Variants in TRAPPC9 observed in about 807,000 individuals in gnomAD.
TRAPPC9 encodes the protein trafficking protein particle complex subunit 9.
A neutral mutation model predicts 124.0 loss-of-function variants in TRAPPC9; 83 were observed. The observed-to-expected ratio is 0.67, with a 90% CI of 0.56 to 0.80. The LOEUF (loss-of-function observed/expected upper bound fraction) is 0.80. Ranked by LOEUF, TRAPPC9 falls within the 30% of genes least tolerant of loss-of-function variation. TRAPPC9 has a pLI of 0.00. For synonymous variants in TRAPPC9, 638 were observed against 617.5 expected, an observed-to-expected ratio of 1.03 and a Z score of -0.49; for missense variants, 1,302 against 1,508.3, an observed-to-expected ratio of 0.86 and a Z score of 2.27.
intron 13 of TRAPPC9, among the ~76,000 whole-genome samples, chr8:140,284,972 G>GAC (rs1185835304): frequency 2.0e-5 from 3 of 152,336 alleles, no homozygotes; most frequent in South Asian, 4.1e-4. Flanking sequence ...AACCTGGTAT[G>GAC]ACATGGTTTT....
At chr8:140,317,115 T>C (rs979344853) in intron 9 of TRAPPC9, among the ~76,000 whole-genome samples, 1 of 152,184 alleles carries the variant, frequency 6.6e-6, no homozygotes, top group African/African-American at 2.4e-5. Flanking sequence ...ATTCTTTTTT[T>C]CATAATCTAG....
chr8:140,392,344 T>C (rs1352731097), intron 7 of TRAPPC9, among the ~76,000 whole-genome samples: 1 of 152,222 alleles, frequency 6.6e-6, no homozygotes, highest in African/African-American at 2.4e-5. Flanking sequence ...TATCCGATAA[T>C]GGAGAGGTTC....
intron 17 of TRAPPC9, among the ~76,000 whole-genome samples, chr8:140,198,821 T>C (rs2062721489): frequency 6.6e-6 from 1 of 152,206 alleles, no homozygotes; most frequent in African/African-American, 2.4e-5. Context: ...GCAGGAACCA[T>C]GTCTCTCCTC....
At chr8:140,438,809 C>G (rs1336749439) in intron 3 of TRAPPC9, among the ~76,000 whole-genome samples, 1 of 152,072 alleles carries the variant, frequency 6.6e-6, no homozygotes, top group African/African-American at 2.4e-5. Context: ...CTGCTGCCTC[C>G]GCCTCCCGAG....
chr8:140,116,349 C>T (rs895710236), intron 17 of TRAPPC9, among the ~76,000 whole-genome samples: 1 of 152,120 alleles, frequency 6.6e-6, no homozygotes, highest in African/African-American at 2.4e-5. Flanking sequence ...GCAGGAAATT[C>T]ATACCTAAAA....
intron 16 of TRAPPC9, among the ~76,000 whole-genome samples, chr8:140,225,492 TTC>T (rs996365729): frequency 6.6e-6 from 1 of 152,190 alleles, no homozygotes; most frequent in East Asian, 1.9e-4. Context: ...TGAGTTTATT[TTC>T]TCTCTTTTTT....
chr8:140,264,898 G>T (rs967797862), intron 15 of TRAPPC9, among the ~76,000 whole-genome samples: 1 of 152,182 alleles, frequency 6.6e-6, no homozygotes, highest in Non-Finnish European at 1.5e-5. Flanking sequence ...GACCACGTGA[G>T]AGAGGGACTG....
At chr8:139,755,251 C>A (rs1272145882) in intron 21 of TRAPPC9, among the ~76,000 whole-genome samples, 1 of 152,204 alleles carries the variant, frequency 6.6e-6, no homozygotes, top group Non-Finnish European at 1.5e-5. Flanking sequence ...TGTGGAGAAG[C>A]CAGCCAGGGT....
chr8:140,290,744 C>A (rs1161919427), intron 12 of TRAPPC9, among the ~76,000 whole-genome samples: 1 of 152,190 alleles, frequency 6.6e-6, no homozygotes, highest in Non-Finnish European at 1.5e-5. Context: ...TATACCCAAT[C>A]AACTAAGCTC....
intron 19 of TRAPPC9, among the ~76,000 whole-genome samples, chr8:139,919,603 T>C (rs1832381116): frequency 6.6e-6 from 1 of 152,222 alleles, no homozygotes; most frequent in African/African-American, 2.4e-5. Context: ...TGTGAAGGTA[T>C]AAAATGCAAG....
chr8:139,825,991 GC>G lies in TRAPPC9; in HGVS notation c.3055+59887del, dbSNP rs541080025. 3.0e-4 allele frequency among the ~76,000 whole-genome samples: 46 copies of G among 152,296 alleles called. No individual in the cohort carries two copies. Among genetic ancestry groups the G allele is most frequent in the African/African-American group, 1.0e-3 (42 of 41,564 alleles). On this transcript the variant is annotated intron_variant, in intron 21 of 22. Transcript: ENST00000438773. The surrounding 1 kb of genome is among the most constrained non-coding windows in gnomAD (Gnocchi z 4.6). ...TGTGCAACAGCAGGGGAGCTCCAGG[GC>G]CCCTGTCCTCTCCCAGGTGGGGGTG...
intron 17 of TRAPPC9, among the ~76,000 whole-genome samples, chr8:140,056,265 C>T (rs1391250627): frequency 6.6e-6 from 1 of 151,584 alleles, no homozygotes; most frequent in Non-Finnish European, 1.5e-5. Context: ...AAAAAAATTG[C>T]CAGGTGTAGT....
rs1016674419 is a variant in TRAPPC9, at chr8:140,457,682, C to T, written c.-54G>A. The T allele has an allele frequency of 2.1e-5, 21 of 986,626 alleles. No individual in the cohort carries two copies. In the African/African-American group the frequency reaches 3.5e-4, roughly 16 times the overall value. 61.1% of individuals were successfully genotyped at this position (986,626 alleles called of 1,614,324 possible). On this transcript the variant is annotated 5_prime_UTR_variant, in exon 1 of 23. Transcript: ENST00000438773. ...CCCGGAGCGGGAGCCCACGACCTGGCGGGCAGCGGGGCCGAGCAGCCTCTG... is the reference window on the plus strand; with the variant it reads ...CCCGGAGCGGGAGCCCACGACCTGGTGGGCAGCGGGGCCGAGCAGCCTCTG...
chr8:139,918,763 A>G (rs1190010052), intron 19 of TRAPPC9, among the ~76,000 whole-genome samples: 1 of 152,214 alleles, frequency 6.6e-6, no homozygotes, highest in African/African-American at 2.4e-5. Flanking sequence ...AGCGCAGAAA[A>G]TAGTGCTTAA....
chr8:140,199,720 T>C (rs1439382442), intron 17 of TRAPPC9, among the ~76,000 whole-genome samples: 1 of 152,160 alleles, frequency 6.6e-6, no homozygotes, highest in Non-Finnish European at 1.5e-5. Flanking sequence ...AGATCTTCCA[T>C]TTTTTTATTG....
chr8:139,971,794 T>C (rs200697782), intron 19 of TRAPPC9, among the ~76,000 whole-genome samples: 27,801 of 56,578 alleles, frequency 0.49, 3,594 homozygotes, highest in East Asian at 0.68. Context: ...TATATACACA[T>C]ATATATATAC....
At chr8:140,067,509 C>T (rs917825573) in intron 17 of TRAPPC9, among the ~76,000 whole-genome samples, 3 of 152,184 alleles carry the variant, frequency 2.0e-5, no homozygotes, top group Non-Finnish European at 2.9e-5. Flanking sequence ...TGATTTCCCT[C>T]AATCCCATGA....
At chr8:140,458,406 C>T, upstream of TRAPPC9, 1 of 1,596,138 alleles carries the variant, frequency 6.3e-7, no homozygotes, top group South Asian at 1.1e-5. Flanking sequence ...CCCCGTGACT[C>T]CCACGGTCGT....
chr8:139,965,519 T>C (rs1835643414), intron 19 of TRAPPC9, among the ~76,000 whole-genome samples: 1 of 152,090 alleles, frequency 6.6e-6, no homozygotes, highest in Admixed American at 6.5e-5. Context: ...GAGCCGAAAA[T>C]GATGCATTCA....
Sources: gnomAD v4.1 joint callset for allele counts (sites outside exome capture counted in the v4.1 genomes callset) on GRCh38, gnomAD v4.1.1 for gene constraint, Gnocchi (gnomAD v3.1) non-coding constraint, MANE v1.5 for transcripts, NCBI Gene and HGNC (gene_info 2026-07-23, HGNC 2026-07-21) for gene names.